TCF12: variants seen among roughly 807,000 people sequenced by gnomAD.
TCF12 encodes transcription factor 12, also known as DNA-binding protein HTF4.
TCF12 carries 45 observed loss-of-function variants against 86.0 expected under a neutral mutation model. The observed-to-expected ratio is 0.52, with a 90% CI of 0.41 to 0.67. The LOEUF is 0.67. TCF12 is among the 30% of genes least tolerant of loss of function. The pLI is 0.00. For missense variants in TCF12, 881 were observed against 859.9 expected (o/e 1.02, Z -0.31); for synonymous variants, 330 against 299.6 (o/e 1.10, Z -1.05).
At chr15:57,274,058 T>A (rs2085255147) in intron 19 of TCF12, among the ~76,000 whole-genome samples, 1 of 152,234 alleles carries the variant, frequency 6.6e-6, no homozygotes, top group African/African-American at 2.4e-5. Context: ...TACTTATATA[T>A]TGTCTTAAAA....
intron 7 of TCF12, among the ~76,000 whole-genome samples, chr15:57,196,035 A>G (rs1011140178): frequency 6.6e-6 from 1 of 152,060 alleles, no homozygotes; most frequent in Admixed American, 6.6e-5. Flanking sequence ...TGCATGTTTT[A>G]TTGTATAGTG....
intron 13 of TCF12, 91 bp from the exon 14 acceptor site, chr15:57,251,259 T>G (rs2060104111): frequency 2.9e-6 from 3 of 1,036,006 alleles, no homozygotes; most frequent in Non-Finnish European, 4.4e-6. Context: ...GTAAATTTAT[T>G]TAGTTATTGA....
At chr15:57,217,562 A>G (rs1304459800) in intron 8 of TCF12, among the ~76,000 whole-genome samples, 2 of 152,160 alleles carry the variant, frequency 1.3e-5, no homozygotes, top group Non-Finnish European at 2.9e-5. Context: ...TTTTTAACCA[A>G]TATAAGAAAG....
chr15:57,065,436 T>C (rs1219877590), intron 4 of TCF12, among the ~76,000 whole-genome samples: 3 of 152,200 alleles, frequency 2.0e-5, no homozygotes, highest in Admixed American at 2.0e-4. Flanking sequence ...ATATGTGAGA[T>C]AGGATCTAGT....
intron 4 of TCF12, among the ~76,000 whole-genome samples, chr15:57,071,713 T>C (rs1340283413): frequency 1.3e-5 from 2 of 152,172 alleles, no homozygotes; most frequent in Non-Finnish European, 2.9e-5. Flanking sequence ...AGGCAACAAA[T>C]AGTTAATTAC....
intron 19 of TCF12, among the ~76,000 whole-genome samples, chr15:57,277,016 G>A (rs1376806428): frequency 2.6e-5 from 4 of 152,070 alleles, no homozygotes; most frequent in African/African-American, 9.6e-5. Context: ...ATGTTGAACA[G>A]ACTGGTCTGA....
At chr15:56,929,720 G>A (rs961027364) in intron 3 of TCF12, among the ~76,000 whole-genome samples, 6 of 152,126 alleles carry the variant, frequency 3.9e-5, no homozygotes, top group Non-Finnish European at 7.4e-5. Flanking sequence ...AACAATTTGA[G>A]ATAAGGTACA....
chr15:57,280,132 C>T (rs749155732), intron 19 of TCF12, among the ~76,000 whole-genome samples: 2 of 151,980 alleles, frequency 1.3e-5, no homozygotes, highest in Non-Finnish European at 2.9e-5. Context: ...TCAGGTGATC[C>T]GCCTGTTTCG....
At position 57,245,245 on chromosome 15, in the gene TCF12, A is replaced by C. The variant is rs538099109; in HGVS notation, c.1114+1695A>C. On this transcript the variant is annotated intron_variant, in intron 13 of 20. Coordinates refer to ENST00000333725, the MANE Select transcript of TCF12 (RefSeq NM_207037.2). ...GGTTTGGGGATGATGAACTGCTGGCAGCTGCTTTCAGCTATTAGCAGGTTC... is the reference window on the plus strand; with the variant it reads ...GGTTTGGGGATGATGAACTGCTGGCCGCTGCTTTCAGCTATTAGCAGGTTC... Among the ~76,000 whole-genome samples the C allele has an allele frequency of 1.4e-3, 214 of 152,336 alleles. 1 individual carries two copies. Among genetic ancestry groups the C allele is most frequent in the Non-Finnish European group, 2.2e-3 (148 of 68,034 alleles).
At chr15:57,186,840 A>C (rs534148182) in intron 6 of TCF12, among the ~76,000 whole-genome samples, 21 of 152,322 alleles carry the variant, frequency 1.4e-4, no homozygotes, top group Non-Finnish European at 4.4e-5. Context: ...CCACACTAAT[A>C]GAAAGAAAGG....
rs2061951837 is a variant in TCF12 at position 57,286,871 on chromosome 15, C to T, written c.*726C>T. The T allele has an allele frequency of 5.6e-6, 2 of 358,128 alleles. No individual in the cohort carries two copies. Among genetic ancestry groups the T allele is most frequent in the Admixed American group, 7.7e-5 (2 of 26,100 alleles). 22.2% of individuals were successfully genotyped at this position (358,128 alleles called of 1,614,324 possible). ...TGAACAGTTTATGGTCACAGTCCAGCCTCCTCCGTGCAGCCCTGTGTGCTT... is the reference window on the plus strand; with the variant it reads ...TGAACAGTTTATGGTCACAGTCCAGTCTCCTCCGTGCAGCCCTGTGTGCTT... On this transcript the variant is annotated 3_prime_UTR_variant, in exon 21 of 21. Transcript: ENST00000333725.
At chr15:57,127,231 TC>T (rs1404579152) in intron 5 of TCF12, among the ~76,000 whole-genome samples, 1 of 152,044 alleles carries the variant, frequency 6.6e-6, no homozygotes, top group East Asian at 1.9e-4. Context: ...GATCCATTCA[TC>T]TTGGCCTCCC....
chr15:57,180,350 C>T (rs975506233), intron 6 of TCF12, among the ~76,000 whole-genome samples: 2 of 151,984 alleles, frequency 1.3e-5, no homozygotes, highest in East Asian at 1.9e-4. Context: ...AATGATTTTT[C>T]GAAATTAGAA....
intron 3 of TCF12, among the ~76,000 whole-genome samples, chr15:57,051,503 A>G: frequency 6.6e-6 from 1 of 150,466 alleles, no homozygotes; most frequent in East Asian, 1.9e-4. Context: ...TTTTTTTTTT[A>G]AGTAGAGATG....
chr15:57,160,573 G>C (rs549291082), intron 5 of TCF12, among the ~76,000 whole-genome samples: 2 of 152,296 alleles, frequency 1.3e-5, no homozygotes, highest in African/African-American at 4.8e-5. Flanking sequence ...TCACTAAAAA[G>C]AGCTAAATGT....
At chr15:56,954,459 A>G (rs534425358) in intron 3 of TCF12, among the ~76,000 whole-genome samples, 3 of 152,348 alleles carry the variant, frequency 2.0e-5, no homozygotes, top group Admixed American at 6.5e-5. Flanking sequence ...ACCTAAAACC[A>G]TAAAAATCCT....
intron 8 of TCF12, among the ~76,000 whole-genome samples, chr15:57,212,714 G>A (rs1179754928): frequency 6.6e-6 from 1 of 152,182 alleles, no homozygotes; most frequent in Non-Finnish European, 1.5e-5. Context: ...TATTAGTGGT[G>A]AAATGGCTAG....
chr15:57,205,971 A>C (rs2057789895), intron 8 of TCF12, among the ~76,000 whole-genome samples: 1 of 152,218 alleles, frequency 6.6e-6, no homozygotes, highest in Non-Finnish European at 1.5e-5. Context: ...TATTCCTTTT[A>C]AAAGAAGAAC....
chr15:57,177,949 T>G (rs2056074469), intron 6 of TCF12, among the ~76,000 whole-genome samples: 1 of 152,162 alleles, frequency 6.6e-6, no homozygotes, highest in Non-Finnish European at 1.5e-5. Context: ...TTTCTTTCTG[T>G]TCTCTCCATG....
Sources: gnomAD v4.1 joint callset for allele counts (sites outside exome capture counted in the v4.1 genomes callset) on GRCh38, gnomAD v4.1.1 for gene constraint, MANE v1.5 for transcripts, NCBI Gene and HGNC (gene_info 2026-07-23, HGNC 2026-07-21) for gene names.